FBP1: variants seen among roughly 807,000 people sequenced by gnomAD.
FBP1 encodes fructose-bisphosphatase 1.
A neutral mutation model predicts 29.9 loss-of-function variants in FBP1; 22 were observed. The ratio of observed to expected loss-of-function variants is 0.74; its 90% CI spans 0.53 to 1.05. The LOEUF (loss-of-function observed/expected upper bound fraction) is 1.05, where lower values mean the gene tolerates loss of function less well. Ranked by LOEUF, FBP1 falls within the 50% of genes least tolerant of loss-of-function variation. The pLI is 0.00. For synonymous variants in FBP1, 175 were observed against 178.6 expected (o/e 0.98, Z 0.16); for missense variants, 345 against 448.2 (o/e 0.77, Z 2.08).
intron 1 of FBP1, among the ~76,000 whole-genome samples, chr9:94,624,207 G>A (rs1007068303): frequency 6.6e-6 from 1 of 151,556 alleles, no homozygotes; most frequent in East Asian, 1.9e-4. Flanking sequence ...GCATGGTGGC[G>A]GGCACCTGTA....
intron 4 of FBP1, among the ~76,000 whole-genome samples, chr9:94,608,478 CAA>C (rs1360948727): frequency 6.6e-6 from 1 of 152,168 alleles, no homozygotes; most frequent in African/African-American, 2.4e-5. Context: ...TCAAAGGTAA[CAA>C]GAGAAGGCAC....
chr9:94,612,368 G>A (rs1193722241), intron 3 of FBP1, among the ~76,000 whole-genome samples: 3 of 152,220 alleles, frequency 2.0e-5, no homozygotes, highest in East Asian at 3.9e-4. Flanking sequence ...TGTGGCAAAG[G>A]TGCAAAAGTA....
At chr9:94,639,525 C>G (rs987543611), upstream of FBP1, 4 of 620,002 alleles carry the variant, frequency 6.5e-6, no homozygotes, top group Non-Finnish European at 8.5e-6. Context: ...CCAGGCCAGG[C>G]GCCGGCGGGT....
rs1427047737 is a variant in FBP1, at chr9:94,639,142, G to A, written c.169C>T (p.Leu57Phe). The A allele has an allele frequency of 7.5e-6, 12 of 1,597,390 alleles. No homozygotes were observed. In the South Asian group the frequency reaches 1.1e-4, roughly 15 times the overall value. Reference sequence around the variant, plus strand: ...CCCACCGCCCAAGGCCCGACTCACAGGTGCGCGATGCCCGCCTTGCGCACC... The same window carrying A: ...CCCACCGCCCAAGGCCCGACTCACAAGTGCGCGATGCCCGCCTTGCGCACC... ...SAVRKAGIAH[L>F]YGIAGSTNVT... is the part of the protein sequence containing the mutation. The change falls in exon 1 of 7, where the codon CTC becomes TTC. Residue 57 changes from leucine (L) to phenylalanine (F), a missense_variant and splice_region_variant. By Grantham distance (22) the Leu-to-Phe change is conservative. Coordinates refer to ENST00000375326, the MANE Select transcript of FBP1 (RefSeq NM_000507.4).
Position 94,605,483 on chromosome 9 carries a change from CG to C in FBP1, c.798del (p.Ala267LeufsTer10), listed in dbSNP as rs1827683362. On this transcript the variant is annotated frameshift_variant, in exon 6 of 7. Coordinates refer to ENST00000375326, the MANE Select transcript of FBP1 (RefSeq NM_000507.4). LOFTEE classifies it high-confidence loss of function. ...TTTCCATTGGGGCTCTTCTTGTTAG[CG>C]GGGTACAGAAATATCCCTCCGTAGA... ...TLVYGGIFLY[P>X]ANKKSPNGKL... 6.2e-7 allele frequency: 1 copy of C among 1,613,878 alleles called. No homozygotes were observed. Among genetic ancestry groups the C allele is most frequent in the Non-Finnish European group, 8.5e-7 (1 of 1,179,962 alleles).
At chr9:94,630,486 G>A (rs1294413262) in intron 1 of FBP1, among the ~76,000 whole-genome samples, 1 of 152,182 alleles carries the variant, frequency 6.6e-6, no homozygotes, top group Non-Finnish European at 1.5e-5. Flanking sequence ...TACACCACCA[G>A]GGTTCCAATC....
chr9:94,614,455 G>T (rs527241837), intron 3 of FBP1, among the ~76,000 whole-genome samples: 1 of 152,194 alleles, frequency 6.6e-6, no homozygotes. Context: ...CAGGAAAATC[G>T]CTTGAACCAG....
intron 1 of FBP1, among the ~76,000 whole-genome samples, chr9:94,630,015 G>C (rs1207878070): frequency 1.3e-5 from 2 of 152,162 alleles, no homozygotes; most frequent in Non-Finnish European, 1.5e-5. Flanking sequence ...TGAAGCAAAA[G>C]TACAGGGCAC....
chr9:94,636,782 G>A (rs1204693253), intron 1 of FBP1, among the ~76,000 whole-genome samples: 27 of 151,954 alleles, frequency 1.8e-4, no homozygotes, highest in Non-Finnish European at 3.2e-4. Flanking sequence ...TCCGCCTCCC[G>A]GGTTCAAGCA....
At chr9:94,617,940 TG>T in intron 2 of FBP1, 80 bp from the exon 3 acceptor site, 1 of 1,126,776 alleles carries the variant, frequency 8.9e-7, no homozygotes, top group Non-Finnish European at 1.3e-6. Flanking sequence ...GGGCTAAGAA[TG>T]GGAATTTAGA....
chr9:94,609,894 C>G (rs1351071242), intron 4 of FBP1, 27 bp downstream of exon 4: 24 of 1,612,968 alleles, frequency 1.5e-5, no homozygotes, highest in Non-Finnish European at 2.0e-5. Flanking sequence ...ACCAGCCAAG[C>G]CCCCAGCCTC....
At chr9:94,638,335 C>T (rs1328953448) in intron 1 of FBP1, among the ~76,000 whole-genome samples, 1 of 152,192 alleles carries the variant, frequency 6.6e-6, no homozygotes, top group East Asian at 1.9e-4. Flanking sequence ...GGAGGGCACA[C>T]ATCTTACCAA....
chr9:94,617,717 T>C, intron 3 of FBP1, 51 bp downstream of exon 3: 1 of 1,210,356 alleles, frequency 8.3e-7, no homozygotes, highest in Non-Finnish European at 1.2e-6. Context: ...GACTGGATGC[T>C]CAATCTTAAC....
chr9:94,633,543 A>G (rs563146360), intron 1 of FBP1, among the ~76,000 whole-genome samples: 16 of 152,220 alleles, frequency 1.1e-4, no homozygotes, highest in Middle Eastern at 3.4e-3. Context: ...TTGAGTGGGC[A>G]ACTTTTCCAG....
chr9:94,627,670 G>T (rs757124268), intron 1 of FBP1, among the ~76,000 whole-genome samples: 36 of 152,288 alleles, frequency 2.4e-4, no homozygotes, highest in South Asian at 1.9e-3. Context: ...AACCAGAGGT[G>T]ATGACACCAA....
chr9:94,628,381 C>CA (rs11394817), intron 1 of FBP1, among the ~76,000 whole-genome samples: 80,355 of 135,690 alleles, frequency 0.59, 23,740 homozygotes, highest in Admixed American at 0.69. Flanking sequence ...GACTCTGTCT[C>CA]AAAAAAAAAA....
intron 3 of FBP1, among the ~76,000 whole-genome samples, chr9:94,613,744 G>A: frequency 6.7e-6 from 1 of 149,010 alleles, no homozygotes; most frequent in Non-Finnish European, 1.5e-5. Flanking sequence ...CAGCCTGGGC[G>A]ACAGAGTGAG....
chr9:94,606,441 T>C (rs1270948779), intron 5 of FBP1, among the ~76,000 whole-genome samples: 1 of 152,238 alleles, frequency 6.6e-6, no homozygotes, highest in African/African-American at 2.4e-5. Context: ...GAAGATGTTT[T>C]ACTGCCATGA....
intron 4 of FBP1, among the ~76,000 whole-genome samples, chr9:94,609,458 G>A (rs753800245): frequency 1.1e-4 from 16 of 152,188 alleles, no homozygotes; most frequent in Non-Finnish European, 2.2e-4. Flanking sequence ...TTGCACACAT[G>A]CAGAAACATT....
Sources: gnomAD v4.1 joint callset for allele counts (sites outside exome capture counted in the v4.1 genomes callset) on GRCh38, gnomAD v4.1.1 for gene constraint, MANE v1.5 for transcripts, NCBI Gene and HGNC (gene_info 2026-07-23, HGNC 2026-07-21) for gene names.